Variants in HS3ST1 observed in about 807,000 individuals in gnomAD.
HS3ST1 encodes the protein heparan sulfate-glucosamine 3-sulfotransferase 1.
A neutral mutation model predicts 20.7 loss-of-function variants in HS3ST1; 8 were observed. The ratio of observed to expected loss-of-function variants is 0.39; its 90% CI spans 0.23 to 0.70. HS3ST1 has a LOEUF of 0.70. HS3ST1 is among the 30% of genes least tolerant of loss of function. The probability of loss-of-function intolerance (pLI) is 0.46; values close to 1 mark genes in which losing one functional copy is unlikely to be tolerated. For synonymous variants in HS3ST1, 205 were observed against 190.4 expected (o/e 1.08, Z -0.63); for missense variants, 436 against 423.4 (o/e 1.03, Z -0.26).
At chr4:11,415,080 T>C (rs1345831563) in intron 1 of HS3ST1, among the ~76,000 whole-genome samples, 1 of 151,946 alleles carries the variant, frequency 6.6e-6, no homozygotes, top group Non-Finnish European at 1.5e-5. Context: ...ATTAAGGAGG[T>C]TGGGATGAGG....
intron 1 of HS3ST1, among the ~76,000 whole-genome samples, chr4:11,421,890 C>T (rs1718947857): frequency 6.6e-6 from 1 of 152,214 alleles, no homozygotes; most frequent in Admixed American, 6.5e-5. Context: ...AGAAAAGTTT[C>T]TTCACTTCTG....
chr4:11,405,231 C>G (rs146506561), intron 1 of HS3ST1, among the ~76,000 whole-genome samples: 1 of 152,306 alleles, frequency 6.6e-6, no homozygotes, highest in East Asian at 1.9e-4. Context: ...CCATTTACTT[C>G]CCTTTATCAG....
chr4:11,399,750 C>T lies in HS3ST1; in HGVS notation c.256G>A (p.Glu86Lys), dbSNP rs779505564. ...LHPDVAAAENEVHFFDWEEHY... is the reference protein window; with the variant it reads ...LHPDVAAAENKVHFFDWEEHY... Reference sequence around the variant, plus strand: ...TCCTCCCAGTCGAAGAAGTGGACCTCGTTCTCCGCGGCCGCCACGTCGGGG... The same window carrying T: ...TCCTCCCAGTCGAAGAAGTGGACCTTGTTCTCCGCGGCCGCCACGTCGGGG... Residue 86 changes from glutamate to lysine, a missense_variant, in exon 2 of 2, where the codon GAG becomes AAG. Glu to Lys is a moderately conservative substitution (Grantham distance 56). Transcript: ENST00000002596. This position sits in a 1 kb window ranked among gnomAD's most constrained non-coding sequence, Gnocchi z 5.1. The T allele has an allele frequency of 1.2e-6, 2 of 1,613,802 alleles. No homozygotes were observed. Among genetic ancestry groups the T allele is most frequent in the South Asian group, 1.1e-5 (1 of 91,080 alleles).
rs1718163054 is a variant in HS3ST1, at chr4:11,396,990, A to T, written c.*2092T>A. 1 of 152,258 alleles carries T rather than the reference A, an allele frequency of 6.6e-6. No homozygotes were observed. 9.4% of individuals were successfully genotyped at this position (152,258 alleles called of 1,614,324 possible). On this transcript the variant is annotated 3_prime_UTR_variant, in exon 2 of 2. Coordinates refer to ENST00000002596, the MANE Select transcript of HS3ST1 (RefSeq NM_005114.4). ...TGTCAGGGGACAGGAATTTACAGGCAGTTTGCAAAGAGCATCTTCTTCAGT... is the reference window on the plus strand; with the variant it reads ...TGTCAGGGGACAGGAATTTACAGGCTGTTTGCAAAGAGCATCTTCTTCAGT...
chr4:11,415,307 A>G (rs774615974), intron 1 of HS3ST1, among the ~76,000 whole-genome samples: 9 of 152,138 alleles, frequency 5.9e-5, no homozygotes, highest in African/African-American at 7.2e-5. Context: ...TGAAGAAGCT[A>G]TTTTTCACTC....
intron 1 of HS3ST1, among the ~76,000 whole-genome samples, chr4:11,416,658 C>T (rs979674774): frequency 6.6e-6 from 1 of 152,186 alleles, no homozygotes; most frequent in Non-Finnish European, 1.5e-5. Flanking sequence ...CGGAGTAGTG[C>T]CAGTCACCAG....
chr4:11,431,819 T>C (rs1315100458), upstream of HS3ST1, among the ~76,000 whole-genome samples: 1 of 152,206 alleles, frequency 6.6e-6, no homozygotes, highest in Admixed American at 6.5e-5. Flanking sequence ...TCATAGGAGC[T>C]GCACCTTTTG....
intron 1 of HS3ST1, among the ~76,000 whole-genome samples, chr4:11,401,705 A>C (rs554139338): frequency 6.6e-6 from 1 of 152,336 alleles, no homozygotes; most frequent in South Asian, 2.1e-4. Flanking sequence ...AGTCTATTTC[A>C]AAATTTAGAG....
At chr4:11,426,051 A>G (rs149987180) in intron 1 of HS3ST1, among the ~76,000 whole-genome samples, 289 of 152,308 alleles carry the variant, frequency 1.9e-3, no homozygotes, top group African/African-American at 5.8e-3. Context: ...TCTCTAACAC[A>G]GGGACCCAGG....
chr4:11,415,764 G>A (rs16881540), intron 1 of HS3ST1, among the ~76,000 whole-genome samples: 1 of 152,204 alleles, frequency 6.6e-6, no homozygotes, highest in South Asian at 2.1e-4. Context: ...CCTTTGTGCT[G>A]CCTTTAGCAG....
upstream of HS3ST1, among the ~76,000 whole-genome samples, chr4:11,430,262 T>G (rs1340793503): frequency 6.6e-6 from 1 of 151,938 alleles, no homozygotes; most frequent in Non-Finnish European, 1.5e-5. Flanking sequence ...GTCTACTTCT[T>G]TTAGTCAGAA....
At chr4:11,402,664 T>C (rs1372859999) in intron 1 of HS3ST1, among the ~76,000 whole-genome samples, 2 of 152,184 alleles carry the variant, frequency 1.3e-5, no homozygotes, top group Non-Finnish European at 2.9e-5. Flanking sequence ...TACTGTGTGT[T>C]GGTCACTGCT....
chr4:11,430,466 C>T (rs1719182383), upstream of HS3ST1, among the ~76,000 whole-genome samples: 1 of 152,182 alleles, frequency 6.6e-6, no homozygotes, highest in South Asian at 2.1e-4. Context: ...AGATAAAGTT[C>T]TGCCAATTAC....
At chr4:11,409,258 T>C (rs985430212) in intron 1 of HS3ST1, among the ~76,000 whole-genome samples, 8 of 152,218 alleles carry the variant, frequency 5.3e-5, no homozygotes, top group African/African-American at 1.9e-4. Context: ...GTAAATTGTT[T>C]CCCCTGAAAC....
At chr4:11,407,377 C>A (rs536692320) in intron 1 of HS3ST1, among the ~76,000 whole-genome samples, 91 of 152,296 alleles carry the variant, frequency 6.0e-4, no homozygotes, top group Non-Finnish European at 1.1e-3. Flanking sequence ...TTCCTTGAAT[C>A]CTCTGCATGT....
At position 11,395,770 on chromosome 4, in the gene HS3ST1, C is replaced by T. The variant is rs2108877309; in HGVS notation, c.*3312G>A. The T allele has an allele frequency of 1.3e-5, 2 of 152,348 alleles. No individual in the cohort carries two copies. The highest frequency in any genetic ancestry group is 4.1e-4 in the South Asian group (2 of 4,822). 9.4% of individuals were successfully genotyped at this position (152,348 alleles called of 1,614,324 possible). Reference sequence around the variant, plus strand: ...GGATTACAGGCGTGAGCCACTACACCCGGCCAGGACCACTTTTTAAATCTC... The same window carrying T: ...GGATTACAGGCGTGAGCCACTACACTCGGCCAGGACCACTTTTTAAATCTC... On this transcript the variant is annotated 3_prime_UTR_variant, in exon 2 of 2. Coordinates refer to ENST00000002596, the MANE Select transcript of HS3ST1 (RefSeq NM_005114.4).
chr4:11,406,648 C>T (rs1196436488), intron 1 of HS3ST1, among the ~76,000 whole-genome samples: 1 of 152,284 alleles, frequency 6.6e-6, no homozygotes, highest in East Asian at 1.9e-4. Context: ...CTTTTGTCCC[C>T]TTTGAATGGT....
chr4:11,432,168 G>C (rs2108895367), upstream of HS3ST1, among the ~76,000 whole-genome samples: 1 of 152,278 alleles, frequency 6.6e-6, no homozygotes, highest in East Asian at 1.9e-4. Flanking sequence ...GAAAAGGGGA[G>C]AGAGAGAAAA....
chr4:11,426,506 C>A (rs1321424864), intron 1 of HS3ST1, among the ~76,000 whole-genome samples: 1 of 152,110 alleles, frequency 6.6e-6, no homozygotes, highest in Non-Finnish European at 1.5e-5. Context: ...AGTAAAGAAC[C>A]CTTTGCTTTT....
Sources: allele counts gnomAD v4.1 joint callset (sites outside exome capture counted in the v4.1 genomes callset), GRCh38; gene constraint gnomAD v4.1.1; non-coding constraint Gnocchi (gnomAD v3.1); transcripts MANE v1.5; gene names NCBI Gene and HGNC (gene_info 2026-07-23, HGNC 2026-07-21).